The following CDH13 variants were observed in gnomAD, a reference collection of about 807,000 sequenced individuals.
CDH13 encodes the protein cadherin 13.
In CDH13, 24 loss-of-function variants were observed where a neutral mutation model predicts 63.8. That is an observed-to-expected ratio of 0.38 (90% CI 0.27 to 0.53). The LOEUF is 0.53. CDH13 is among the 20% of genes least tolerant of loss of function. The pLI is 0.85. For missense variants in CDH13, 1,049 were observed against 903.1 expected, an observed-to-expected ratio of 1.16 and a Z score of -2.07; for synonymous variants, 503 against 355.3, an observed-to-expected ratio of 1.42 and a Z score of -4.67.
chr16:83,003,612 T>G (rs1264420634), intron 2 of CDH13, among the ~76,000 whole-genome samples: 1 of 152,236 alleles, frequency 6.6e-6, no homozygotes, highest in Non-Finnish European at 1.5e-5. Flanking sequence ...ATCACATTGG[T>G]CAGTGCATAT....
At chr16:83,652,623 C>T (rs2150822695) in intron 8 of CDH13, among the ~76,000 whole-genome samples, 1 of 152,288 alleles carries the variant, frequency 6.6e-6, no homozygotes, top group South Asian at 2.1e-4. Flanking sequence ...CCCTCATTCT[C>T]AAATATTGCC....
intron 2 of CDH13, among the ~76,000 whole-genome samples, chr16:83,024,763 C>T (rs1260422357): frequency 3.3e-5 from 5 of 152,182 alleles, no homozygotes; most frequent in African/African-American, 4.8e-5. Flanking sequence ...ACCAACAATC[C>T]GTTTGGAGAA....
chr16:82,845,141 A>G (rs2039205103), intron 1 of CDH13, among the ~76,000 whole-genome samples: 2 of 152,136 alleles, frequency 1.3e-5, no homozygotes. Context: ...AGGAGAGAGA[A>G]CCAATATATT....
intron 2 of CDH13, among the ~76,000 whole-genome samples, chr16:82,866,565 G>C (rs916784468): frequency 1.3e-5 from 2 of 151,038 alleles, no homozygotes; most frequent in African/African-American, 4.9e-5. Flanking sequence ...ATTTTTTGTA[G>C]TTTTAGTACA....
intron 5 of CDH13, among the ~76,000 whole-genome samples, chr16:83,242,703 A>G (rs145948588): frequency 1.3e-5 from 2 of 152,326 alleles, no homozygotes; most frequent in South Asian, 2.1e-4. Context: ...AAATTCCCAG[A>G]AAGTGATAGT....
intron 1 of CDH13, among the ~76,000 whole-genome samples, chr16:82,671,506 G>C (rs10514552): frequency 0.056 from 8,486 of 152,134 alleles, 275 homozygotes; most frequent in Middle Eastern, 0.14. Flanking sequence ...TTAAGAAAAC[G>C]ATTACACCTA....
intron 2 of CDH13, among the ~76,000 whole-genome samples, chr16:82,866,728 A>G (rs2040161338): frequency 6.6e-6 from 1 of 152,062 alleles, no homozygotes; most frequent in African/African-American, 2.4e-5. Context: ...AAAACTTACA[A>G]TCATGGTGGA....
chr16:83,517,576 G>C (rs945926333), intron 7 of CDH13, among the ~76,000 whole-genome samples: 2 of 152,166 alleles, frequency 1.3e-5, no homozygotes, highest in African/African-American at 4.8e-5. Flanking sequence ...AACTAGTCAT[G>C]TGGCCCCACC....
intron 2 of CDH13, among the ~76,000 whole-genome samples, chr16:82,929,452 C>G (rs2042407780): frequency 6.6e-6 from 1 of 151,522 alleles, no homozygotes; most frequent in African/African-American, 2.4e-5. Context: ...ACCATCCTGG[C>G]TAGATGGTCT....
Position 83,246,786 on chromosome 16 carries a change from C to G in CDH13, c.636+29289C>G, listed in dbSNP as rs113463091. Reference sequence around the variant, plus strand: ...CCTTGCTGAAACCATTGATGCTTCTCTGTCGACTTCAAGATGTGTTCAGTT... The same window carrying G: ...CCTTGCTGAAACCATTGATGCTTCTGTGTCGACTTCAAGATGTGTTCAGTT... On this transcript the variant is annotated intron_variant, in intron 5 of 13. Transcript: ENST00000567109. 4.8e-3 allele frequency among the ~76,000 whole-genome samples: 731 copies of G among 152,302 alleles called. 3 individuals are homozygous for G. The highest frequency in any genetic ancestry group is 0.017 in the African/African-American group (697 of 41,560).
intron 11 of CDH13, among the ~76,000 whole-genome samples, chr16:83,761,094 G>C (rs935094424): frequency 6.6e-6 from 1 of 152,172 alleles, no homozygotes; most frequent in Admixed American, 6.6e-5. Context: ...GGTAGCAAAC[G>C]ATAACTTTCC....
intron 3 of CDH13, among the ~76,000 whole-genome samples, chr16:83,049,635 A>G (rs905055538): frequency 5.3e-5 from 8 of 152,090 alleles, no homozygotes; most frequent in African/African-American, 1.7e-4. Context: ...GGCCTCTTTT[A>G]CTTTGCATAA....
chr16:83,245,878 G>T (rs1904941385), intron 5 of CDH13, among the ~76,000 whole-genome samples: 1 of 152,086 alleles, frequency 6.6e-6, no homozygotes, highest in Non-Finnish European at 1.5e-5. Context: ...GAGTAGCCCG[G>T]ACTACAGGCA....
At chr16:82,849,110 C>G (rs2039380774) in intron 1 of CDH13, among the ~76,000 whole-genome samples, 1 of 152,162 alleles carries the variant, frequency 6.6e-6, no homozygotes, top group South Asian at 2.1e-4. Flanking sequence ...ATTCAATTTT[C>G]TGAAGGCTGA....
At chr16:83,654,826 C>T (rs554228851) in intron 8 of CDH13, 1 of 152,338 alleles carries the variant, frequency 6.6e-6, no homozygotes, top group East Asian at 1.9e-4. Flanking sequence ...CCCACCAACC[C>T]TATGACTCTG....
At chr16:83,156,084 G>C (rs572369306) in intron 4 of CDH13, among the ~76,000 whole-genome samples, 8 of 152,330 alleles carry the variant, frequency 5.3e-5, no homozygotes, top group Admixed American at 1.3e-4. Flanking sequence ...GCTGGTAGCA[G>C]TGTGCATTCC....
chr16:83,078,092 A>G (rs948752985), intron 3 of CDH13, among the ~76,000 whole-genome samples: 3 of 152,218 alleles, frequency 2.0e-5, no homozygotes, highest in Admixed American at 2.0e-4. Context: ...GTCAGCTCAA[A>G]TAGGGATACC....
intron 6 of CDH13, among the ~76,000 whole-genome samples, chr16:83,426,279 T>G (rs1180236288): frequency 6.6e-6 from 1 of 152,186 alleles, no homozygotes; most frequent in Non-Finnish European, 1.5e-5. Flanking sequence ...CTTTCAGCAT[T>G]TGAGTGATTT....
chr16:82,847,100 C>T (rs980883932), intron 1 of CDH13, among the ~76,000 whole-genome samples: 1 of 152,040 alleles, frequency 6.6e-6, no homozygotes, highest in African/African-American at 2.4e-5. Context: ...CTCTATTTTG[C>T]CCTCTTCATT....
Sources: gnomAD v4.1 joint callset for allele counts (sites outside exome capture counted in the v4.1 genomes callset) on GRCh38, gnomAD v4.1.1 for gene constraint, MANE v1.5 for transcripts, NCBI Gene and HGNC (gene_info 2026-07-23, HGNC 2026-07-21) for gene names.